Variants in CSMD1 observed in about 807,000 individuals in gnomAD.
The protein encoded by CSMD1 is CUB and sushi domain-containing protein 1.
In CSMD1, 213 loss-of-function variants were observed where a neutral mutation model predicts 417.5. The ratio of observed to expected loss-of-function variants is 0.51; its 90% CI spans 0.46 to 0.57. The LOEUF (loss-of-function observed/expected upper bound fraction) is 0.57, where lower values mean the gene tolerates loss of function less well. Ranked by LOEUF, CSMD1 falls within the 20% of genes least tolerant of loss-of-function variation. The pLI is 0.00. For missense variants in CSMD1, 6,923 were observed against 4,529.7 expected (o/e 1.53, Z -15.17); for synonymous variants, 2,862 against 1,736.8 (o/e 1.65, Z -16.11).
At chr8:4,151,179 C>A (rs1002219826) in intron 3 of CSMD1, among the ~76,000 whole-genome samples, 1 of 152,142 alleles carries the variant, frequency 6.6e-6, no homozygotes. Context: ...GGAATTCAGG[C>A]AAAATCCTTT....
chr8:3,019,801 A>G (rs139791134), intron 51 of CSMD1, among the ~76,000 whole-genome samples: 87 of 152,358 alleles, frequency 5.7e-4, no homozygotes, highest in African/African-American at 1.9e-3. Context: ...CTTCAGATTC[A>G]GAAACACTTG....
At chr8:4,414,387 G>C (rs115925664) in intron 3 of CSMD1, among the ~76,000 whole-genome samples, 1 of 152,086 alleles carries the variant, frequency 6.6e-6, no homozygotes. Flanking sequence ...TTCAAGGACT[G>C]TATAGAACTG....
chr8:4,549,652 G>T (rs1018778962), intron 2 of CSMD1, among the ~76,000 whole-genome samples: 3 of 152,136 alleles, frequency 2.0e-5, no homozygotes, highest in East Asian at 1.9e-4. Flanking sequence ...ACCTTGGGAG[G>T]CTGAGGCAGG....
chr8:3,905,247 T>C (rs1808038143), intron 5 of CSMD1, among the ~76,000 whole-genome samples: 1 of 152,236 alleles, frequency 6.6e-6, no homozygotes, highest in African/African-American at 2.4e-5. Context: ...AAGGAATATT[T>C]AGATTATATT....
chr8:4,633,498 C>T (rs973260278), intron 2 of CSMD1, among the ~76,000 whole-genome samples: 8 of 151,946 alleles, frequency 5.3e-5, no homozygotes, highest in Non-Finnish European at 1.0e-4. Context: ...ATCCAACTGC[C>T]TCGGCCTCCC....
intron 12 of CSMD1, among the ~76,000 whole-genome samples, chr8:3,452,907 T>C (rs1815843940): frequency 6.6e-6 from 1 of 152,200 alleles, no homozygotes. Context: ...AGCTCCTCCT[T>C]GTATCTCTGG....
At position 3,096,990 on chromosome 8, in the gene CSMD1, G is replaced by A. The variant is rs1242986740; in HGVS notation, c.6997C>T (p.Leu2333Phe). Residue 2333 changes from leucine to phenylalanine, a missense_variant, in exon 47 of 70, where the codon CTC becomes TTC. Leu to Phe is a conservative substitution (Grantham distance 22, BLOSUM62 0). Coordinates refer to ENST00000635120, the MANE Select transcript of CSMD1 (RefSeq NM_033225.6). ...TAATTACCCGGATACCCTGGACTGA[G>A]AATGACTCCCGATGATCCAGTCCGG... is the stretch of plus-strand genomic sequence containing the variant. ...EVRTGSSGVI[L>F]SPGYPGNYFN... is the part of the protein sequence containing the mutation. 7.1e-6 allele frequency: 11 copies of A among 1,556,044 alleles called. No homozygotes were observed. The highest frequency in any genetic ancestry group is 9.6e-6 in the Non-Finnish European group (11 of 1,149,056).
At chr8:3,689,048 T>C (rs1800094945) in intron 7 of CSMD1, among the ~76,000 whole-genome samples, 1 of 152,202 alleles carries the variant, frequency 6.6e-6, no homozygotes, top group Admixed American at 6.5e-5. Context: ...CTAAGGGTCA[T>C]CTAAGTAAAC....
chr8:4,924,759 T>C (rs1165699512), intron 1 of CSMD1, among the ~76,000 whole-genome samples: 3 of 149,534 alleles, frequency 2.0e-5, no homozygotes, highest in Non-Finnish European at 4.5e-5. Context: ...ACAAAAAACT[T>C]TTATAAACAT....
At chr8:4,791,511 A>T (rs1427374909) in intron 1 of CSMD1, among the ~76,000 whole-genome samples, 1 of 152,188 alleles carries the variant, frequency 6.6e-6, no homozygotes, top group Non-Finnish European at 1.5e-5. Context: ...CAAACAATCC[A>T]ATCCCCTAAA....
At chr8:3,356,989 G>A (rs571808376) in intron 21 of CSMD1, among the ~76,000 whole-genome samples, 1 of 152,224 alleles carries the variant, frequency 6.6e-6, no homozygotes, top group African/African-American at 2.4e-5. Flanking sequence ...GGGGTTGGTG[G>A]GGTCTGGGGA....
intron 10 of CSMD1, among the ~76,000 whole-genome samples, chr8:3,500,091 A>G (rs567929429): frequency 6.6e-6 from 1 of 151,966 alleles, no homozygotes; most frequent in Non-Finnish European, 1.5e-5. Flanking sequence ...TACAATCGGG[A>G]GTCCTTTTTT....
At chr8:2,985,077 T>C (rs866758005) in intron 54 of CSMD1, among the ~76,000 whole-genome samples, 3 of 152,366 alleles carry the variant, frequency 2.0e-5, no homozygotes, top group East Asian at 1.9e-4. Flanking sequence ...AAGACCATCA[T>C]TGGCCTCAAA....
At position 3,739,443 on chromosome 8, in the gene CSMD1, T is replaced by G. The variant is rs181022271; in HGVS notation, c.931+14487A>C. ...ACAGAGAAATAATAAATGTTTGAAG[T>G]GATGCACCCGTTAATTACTCTGGTT... On this transcript the variant is annotated intron_variant, in intron 6 of 69. Coordinates refer to ENST00000635120, the MANE Select transcript of CSMD1 (RefSeq NM_033225.6). 2.3e-3 allele frequency among the ~76,000 whole-genome samples: 356 copies of G among 152,336 alleles called. 1 individual carries two copies. The highest frequency in any genetic ancestry group is 4.2e-3 in the Non-Finnish European group (285 of 68,036).
At chr8:4,247,450 C>G (rs1802782034) in intron 3 of CSMD1, among the ~76,000 whole-genome samples, 1 of 152,134 alleles carries the variant, frequency 6.6e-6, no homozygotes, top group Non-Finnish European at 1.5e-5. Context: ...GAAGAGCAGC[C>G]TCATGAAAAA....
At chr8:3,896,715 T>C (rs187767111) in intron 5 of CSMD1, among the ~76,000 whole-genome samples, 9 of 152,106 alleles carry the variant, frequency 5.9e-5, no homozygotes, top group African/African-American at 2.2e-4. Flanking sequence ...TTTCACCACA[T>C]TAGCCAGGAT....
chr8:3,498,807 G>T (rs762987967), intron 10 of CSMD1, among the ~76,000 whole-genome samples: 2 of 151,762 alleles, frequency 1.3e-5, no homozygotes, highest in Admixed American at 1.3e-4. Context: ...TTTTTAAATT[G>T]TATTCATTTT....
At chr8:3,118,359 T>A in intron 42 of CSMD1, 40 bp downstream of exon 42, 1 of 1,434,952 alleles carries the variant, frequency 7.0e-7, no homozygotes, top group Non-Finnish European at 9.7e-7. Flanking sequence ...ATTATGCCCA[T>A]GAAACATTAA....
intron 23 of CSMD1, among the ~76,000 whole-genome samples, chr8:3,314,056 T>G (rs1563262071): frequency 6.6e-6 from 1 of 150,952 alleles, no homozygotes; most frequent in East Asian, 2.0e-4. Context: ...CACTCATAGG[T>G]GGGAATTGAA....
Sources: allele counts gnomAD v4.1 joint callset (sites outside exome capture counted in the v4.1 genomes callset), GRCh38; gene constraint gnomAD v4.1.1; transcripts MANE v1.5; gene names NCBI Gene and HGNC (gene_info 2026-07-23, HGNC 2026-07-21).